Variants in MOGAT2 observed in about 807,000 individuals in gnomAD.
MOGAT2 encodes the protein monoacylglycerol O-acyltransferase 2.
In MOGAT2, 27 loss-of-function variants were observed where a neutral mutation model predicts 31.5. That is an observed-to-expected ratio of 0.86 (90% CI 0.63 to 1.18). The LOEUF (loss-of-function observed/expected upper bound fraction) is 1.18, where lower values mean the gene tolerates loss of function less well. Ranked by LOEUF, MOGAT2 falls within the 50% of genes most tolerant of loss-of-function variation. The probability of loss-of-function intolerance (pLI) is 0.00; values close to 1 mark genes in which losing one functional copy is unlikely to be tolerated. For synonymous variants in MOGAT2, 163 were observed against 170.0 expected, an observed-to-expected ratio of 0.96 and a Z score of 0.32; for missense variants, 436 against 433.2, an observed-to-expected ratio of 1.01 and a Z score of -0.06.
chr11:75,717,930 G>C lies in MOGAT2; in HGVS notation c.42G>C (p.Arg14Ser), dbSNP rs1269082886. ...CCTTGTTTATGCCGTGGGAGCGCAG[G>C]CTGCAGACACTTGCTGTCCTACAGT... The part of the protein sequence containing the change: ...FAPLFMPWER[R>S]LQTLAVLQFV... Residue 14 changes from arginine to serine, a missense_variant, in exon 1 of 6, where the codon AGG becomes AGC. Arg to Ser is a moderately radical substitution (Grantham distance 110). Coordinates refer to ENST00000198801, the MANE Select transcript of MOGAT2 (RefSeq NM_025098.4). 1 of 1,614,242 alleles carries C rather than the reference G, an allele frequency of 6.2e-7. No individual in the cohort carries two copies. The highest frequency in any genetic ancestry group is 1.1e-5 in the South Asian group (1 of 91,086).
At chr11:75,723,479 C>T (rs576615041) in intron 2 of MOGAT2, among the ~76,000 whole-genome samples, 25 of 151,882 alleles carry the variant, frequency 1.6e-4, no homozygotes, top group African/African-American at 3.1e-4. Flanking sequence ...GCCCAGGCCC[C>T]GCAGGGATCA....
Position 75,731,511 on chromosome 11 carries a change from T to A in MOGAT2, c.*225T>A. 2.1e-6 allele frequency: 1 copy of A among 483,984 alleles called. No individual in the cohort carries two copies. The highest frequency in any genetic ancestry group is 3.5e-5 in the East Asian group (1 of 28,684). The allele number at this position is 483,984 out of a possible 1,614,324, so 30.0% of individuals were successfully genotyped here. The stretch of plus-strand genomic sequence containing the variant: ...GCTGCTAGAGGGGCTGGGCCTCTCT[T>A]TGCACATGGACACTGGGCCCCTCTC... On this transcript the variant is annotated 3_prime_UTR_variant, in exon 6 of 6. Transcript: ENST00000198801.
At chr11:75,718,207 C>T (rs1944346742) in intron 1 of MOGAT2, among the ~76,000 whole-genome samples, 1 of 152,192 alleles carries the variant, frequency 6.6e-6, no homozygotes, top group African/African-American at 2.4e-5. Context: ...GTTACTTACT[C>T]TTCCTGGCTT....
intron 4 of MOGAT2, chr11:75,728,510 A>G: frequency 1.8e-6 from 1 of 558,274 alleles, no homozygotes; most frequent in South Asian, 2.1e-5. Flanking sequence ...TTTCTAGGAA[A>G]AACAATGCAG....
chr11:75,730,949 G>T (rs1184335183), intron 5 of MOGAT2, 183 bp from the exon 6 acceptor site: 4 of 397,616 alleles, frequency 1.0e-5, no homozygotes, highest in Non-Finnish European at 1.8e-5. Flanking sequence ...AGAAAAGGAA[G>T]AAAGAAATCC....
chr11:75,725,679 C>T (rs1423640832), intron 2 of MOGAT2, among the ~76,000 whole-genome samples: 1 of 152,248 alleles, frequency 6.6e-6, no homozygotes, highest in Admixed American at 6.5e-5. Flanking sequence ...CTCCAGTCTG[C>T]TCTGAGAGAG....
chr11:75,732,915 C>A lies in MOGAT2; in HGVS notation c.*1629C>A, dbSNP rs1314257476. 5 of 152,290 alleles carry A rather than the reference C, an allele frequency of 3.3e-5. No individual in the cohort carries two copies. The highest frequency in any genetic ancestry group is 1.2e-4 in the African/African-American group (5 of 41,416). 9.4% of individuals were successfully genotyped at this position (152,290 alleles called of 1,614,324 possible). A position where few individuals can be genotyped will look rare whatever the true frequency, so the allele number is the denominator to read the frequency against. Reference sequence around the variant, plus strand: ...CCCTCCAGCCTACCCACAAACAGGACCTGCATCCTGTCTCACAAATAAAAC... The same window carrying A: ...CCCTCCAGCCTACCCACAAACAGGAACTGCATCCTGTCTCACAAATAAAAC... On this transcript the variant is annotated 3_prime_UTR_variant, in exon 6 of 6. Transcript: ENST00000198801.
Position 75,731,128 on chromosome 11 carries a change from G to A in MOGAT2, c.851-4G>A. ...AGGCCACTGCACACCTCTATGCCTT[G>A]CAGTGGGGAAGCCCATCGAGGTACA... On this transcript the variant is annotated splice_polypyrimidine_tract_variant and splice_region_variant and intron_variant, in intron 5 of 5. Transcript: ENST00000198801. 2 of 1,613,494 alleles carry A rather than the reference G, an allele frequency of 1.2e-6. No homozygotes were observed. The highest frequency in any genetic ancestry group is 1.7e-6 in the Non-Finnish European group (2 of 1,179,846).
chr11:75,728,225 C>T lies in MOGAT2; in HGVS notation c.650+81C>T, dbSNP rs77401789. The stretch of plus-strand genomic sequence containing the variant: ...TATTTTGGTGGGAAGATGGCAGAGA[C>T]GAATGCAGATTCTATTTTGGTAGAG... On this transcript the variant is annotated intron_variant, in intron 4 of 5. Coordinates refer to ENST00000198801, the MANE Select transcript of MOGAT2 (RefSeq NM_025098.4). 5.6e-3 allele frequency: 7,899 copies of T among 1,401,816 alleles called. 209 individuals are homozygous for T. The African/African-American group carries it at 0.068, about 12-fold the overall frequency. 86.8% of individuals were successfully genotyped at this position (1,401,816 alleles called of 1,614,324 possible).
At chr11:75,722,418 C>G (rs1230552465) in intron 2 of MOGAT2, among the ~76,000 whole-genome samples, 2 of 152,200 alleles carry the variant, frequency 1.3e-5, no homozygotes, top group African/African-American at 4.8e-5. Context: ...AGGCTCTGGC[C>G]TCCGGGAGAG....
In MOGAT2 at chr11:75,727,562, C is replaced by A; in HGVS notation, c.398C>A (p.Pro133His). The change falls in exon 3 of 6, where the codon CCC becomes CAC. Residue 133 changes from proline (P) to histidine (H), a missense_variant. Pro to His is a moderately conservative substitution (Grantham distance 77). Coordinates refer to ENST00000198801, the MANE Select transcript of MOGAT2 (RefSeq NM_025098.4). ...AGCACAGGCTTCTCTTCGATCTTCC[C>A]CGGTATCCGCCCCCATCTGATGATG... ...TESTGFSSIF[P>H]GIRPHLMMLT... The A allele has an allele frequency of 6.2e-7, 1 of 1,614,204 alleles. No individual in the cohort carries two copies. Among genetic ancestry groups the A allele is most frequent in the Non-Finnish European group, 8.5e-7 (1 of 1,180,038 alleles).
chr11:75,722,336 G>T (rs958233914), intron 2 of MOGAT2, among the ~76,000 whole-genome samples: 5 of 152,186 alleles, frequency 3.3e-5, no homozygotes, highest in Non-Finnish European at 7.3e-5. Context: ...GAGTTTCCCT[G>T]GGAAAGTGTG....
At position 75,727,510 on chromosome 11, in the gene MOGAT2, G is replaced by T; in HGVS notation, c.346G>T (p.Gly116Ter). 1 of 1,614,126 alleles carries T rather than the reference G, an allele frequency of 6.2e-7. No homozygotes were observed. Among genetic ancestry groups the T allele is most frequent in the African/African-American group, 1.3e-5 (1 of 75,032 alleles). ...GFHPHGVLAV[G>*]AFANLCTEST... ...CCACCCCCATGGAGTCCTGGCAGTC[G>T]GAGCCTTTGCCAACCTGTGCACTGA... is the stretch of plus-strand genomic sequence containing the variant. Residue 116 changes from glycine to a stop codon, truncating the protein, a stop_gained, in exon 3 of 6, where the codon GGA becomes TGA. Coordinates refer to ENST00000198801, the MANE Select transcript of MOGAT2 (RefSeq NM_025098.4). LOFTEE classifies it high-confidence loss of function.
chr11:75,718,628 G>C (rs1383367787), intron 1 of MOGAT2, among the ~76,000 whole-genome samples: 7 of 152,164 alleles, frequency 4.6e-5, no homozygotes, highest in African/African-American at 1.7e-4. Context: ...GCTGACCTCT[G>C]CTTGGCACAG....
chr11:75,728,924 A>C lies in MOGAT2; in HGVS notation c.785A>C (p.His262Pro), dbSNP rs1328517181. ...ATGGGCATCTCCCTCCCACTCTTTC[A>C]TGGCCGTGGTGTCTTCCAGTACAGC... The part of the protein sequence containing the change: ...KIMGISLPLF[H>P]GRGVFQYSFG... Residue 262 changes from histidine (H) to proline (P), a missense_variant, in exon 5 of 6, where the codon CAT (histidine) becomes CCT (proline). His to Pro is a moderately conservative substitution (Grantham distance 77). Transcript: ENST00000198801. 2 of 1,614,094 alleles carry C rather than the reference A, an allele frequency of 1.2e-6. No individual in the cohort carries two copies. The highest frequency in any genetic ancestry group is 2.2e-5 in the South Asian group (2 of 91,078).
intron 4 of MOGAT2, chr11:75,728,443 C>T: frequency 1.8e-6 from 1 of 560,302 alleles, no homozygotes; most frequent in Non-Finnish European, 3.2e-6. Flanking sequence ...GAGCTGTTCT[C>T]CCTCCTTGGG....
rs140498608 is a variant in MOGAT2, at chr11:75,717,909, G to C, written c.21G>C (p.Leu7Phe). The C allele has an allele frequency of 6.4e-5, 103 of 1,614,192 alleles. No individual in the cohort carries two copies. In the African/African-American group the frequency reaches 1.3e-3, roughly 20 times the overall value. Reference protein sequence around the residue: MVEFAPLFMPWERRLQT... With the variant: MVEFAPFFMPWERRLQT... Reference sequence around the variant, plus strand: ...CCAGCATGGTAGAGTTCGCGCCCTTGTTTATGCCGTGGGAGCGCAGGCTGC... The same window carrying C: ...CCAGCATGGTAGAGTTCGCGCCCTTCTTTATGCCGTGGGAGCGCAGGCTGC... The change falls in exon 1 of 6, where the codon TTG (leucine) becomes TTC (phenylalanine). Residue 7 changes from leucine to phenylalanine, a missense_variant. Transcript: ENST00000198801.
In MOGAT2 at chr11:75,728,994, G is replaced by A. The variant is rs1337072534; in HGVS notation, c.850+5G>A. ...GCCGGCCCATCACCACTGTGGGTAA[G>A]TCCAGGACCAGGCTGGGAGGGAGGA... On this transcript the variant is annotated splice_donor_5th_base_variant and intron_variant, in intron 5 of 5. Coordinates refer to ENST00000198801, the MANE Select transcript of MOGAT2 (RefSeq NM_025098.4). 6.2e-7 allele frequency: 1 copy of A among 1,613,394 alleles called. No homozygotes were observed. Among genetic ancestry groups the A allele is most frequent in the Admixed American group, 1.7e-5 (1 of 60,028 alleles).
At chr11:75,721,685 TG>T in intron 2 of MOGAT2, among the ~76,000 whole-genome samples, 1 of 152,240 alleles carries the variant, frequency 6.6e-6, no homozygotes, top group African/African-American at 2.4e-5. Flanking sequence ...GGGAGGACTC[TG>T]AGAGCCCAAG....
Sources: allele counts gnomAD v4.1 joint callset (sites outside exome capture counted in the v4.1 genomes callset), GRCh38; gene constraint gnomAD v4.1.1; transcripts MANE v1.5; gene names NCBI Gene and HGNC (gene_info 2026-07-23, HGNC 2026-07-21).